Variants in WNK4 observed in about 807,000 individuals in gnomAD.
The protein encoded by WNK4 is WNK lysine deficient protein kinase 4, also known as serine/threonine-protein kinase WNK4.
In WNK4, 94 loss-of-function variants were observed where a neutral mutation model predicts 116.2. The observed-to-expected ratio is 0.81, with a 90% CI of 0.68 to 0.96. The LOEUF is 0.96. WNK4 is among the 40% of genes least tolerant of loss of function. The pLI is 0.00. For synonymous variants in WNK4, 655 were observed against 672.7 expected (o/e 0.97, Z 0.41); for missense variants, 1,542 against 1,650.6 (o/e 0.93, Z 1.14).
intron 2 of WNK4, chr17:42,783,559 C>T (rs989411341): frequency 1.2e-5 from 4 of 337,598 alleles, no homozygotes; most frequent in Non-Finnish European, 2.2e-5. Flanking sequence ...GTCCTGTCTG[C>T]CTGGGAAGTC....
At position 42,795,444 on chromosome 17, in the gene WNK4, G is replaced by A. The variant is rs1376877466; in HGVS notation, c.2962-17G>A. 12 of 1,614,138 alleles carry A rather than the reference G, an allele frequency of 7.4e-6. No individual in the cohort carries two copies. The highest frequency in any genetic ancestry group is 1.0e-5 in the Non-Finnish European group (12 of 1,180,018). On this transcript the variant is annotated splice_polypyrimidine_tract_variant and intron_variant, in intron 14 of 18. Transcript: ENST00000246914. ...CCACTCTGCACTCTTCCCTTCTCAT[G>A]GCCCCCCACTTTCTAGGCCTCACCA...
rs773729601 is a variant in WNK4, at chr17:42,784,504, G to T, written c.1095G>T (p.Met365Ile). ...ACGTGTACGCGTTCGGCATGTGCAT[G>T]CTGGAGATGGCCACCTCTGAGTACC... ...AVDVYAFGMC[M>I]LEMATSEYPY... The change falls in exon 4 of 19, where the codon ATG (methionine) becomes ATT (isoleucine). Residue 365 changes from methionine (M) to isoleucine (I), a missense_variant. Physicochemically the swap from Met to Ile is conservative, Grantham distance 10. Around this residue, in one of 7 missense-constraint regions of WNK4, gnomAD observed 808 missense variants for 873.6 expected, o/e 0.92. Coordinates refer to ENST00000246914, the MANE Select transcript of WNK4 (RefSeq NM_032387.5). This position sits in a 1 kb window ranked among gnomAD's most constrained non-coding sequence, Gnocchi z 4.4. The T allele has an allele frequency of 9.9e-6, 16 of 1,613,950 alleles. No individual in the cohort carries two copies. Among genetic ancestry groups the T allele is most frequent in the Non-Finnish European group, 2.5e-6 (3 of 1,180,020 alleles).
intron 12 of WNK4, chr17:42,794,022 T>C (rs1236883538): frequency 5.4e-6 from 2 of 367,700 alleles, no homozygotes; most frequent in South Asian, 4.5e-5. Context: ...CCGGCTAATT[T>C]TTTTTGTATT....
In WNK4 at chr17:42,780,966, G is replaced by C. The variant is rs199712166; in HGVS notation, c.268G>C (p.Ala90Pro). 2 of 1,610,172 alleles carry C rather than the reference G, an allele frequency of 1.2e-6. No individual in the cohort carries two copies. The highest frequency in any genetic ancestry group is 4.5e-5 in the East Asian group (2 of 44,886). ...GGACCCCCCCGATCCTCCGGACTCC[G>C]CTGGTCCTGGCCCCGCGAGGAGCCC... The part of the protein sequence containing the change: ...APDPPDPPDS[A>P]GPGPARSPPP... Residue 90 changes from alanine (A) to proline (P), a missense_variant, in exon 1 of 19, where the codon GCT becomes CCT. Ala to Pro is a conservative substitution (Grantham distance 27). Transcript: ENST00000246914.
In WNK4 at chr17:42,787,863, A is replaced by G. The variant is rs201340788; in HGVS notation, c.1827A>G (p.Pro609=). The G allele has an allele frequency of 8.8e-5, 142 of 1,611,526 alleles. 3 individuals carry two copies. The highest frequency in any genetic ancestry group is 6.7e-4 in the East Asian group (30 of 44,840). Residue 609 remains proline, a synonymous_variant, in exon 8 of 19, where the codon CCA becomes CCG. Transcript: ENST00000246914. The stretch of plus-strand genomic sequence containing the variant: ...CCCTTCAGCCCCCTGGGGGGGTGCC[A>G]TCCAGCCTGGCTGAGTCCCATCTCT... The part of the protein sequence containing the change: ...DPALQPPGGV[P]SSLAESHLCL...
Position 42,781,133 on chromosome 17 carries a change from T to G in WNK4, c.435T>G (p.Ala145=), listed in dbSNP as rs2054478622. The change falls in exon 1 of 19, where the codon GCT becomes GCG. Residue 145 remains alanine (A), a synonymous_variant. Coordinates refer to ENST00000246914, the MANE Select transcript of WNK4 (RefSeq NM_032387.5). The stretch of plus-strand genomic sequence containing the variant: ...GGGAGCCGCTAAGGGTCCCTGAAGC[T>G]GTGGCCCTAGAGCGGCGGCGGGAGC... ...GSREPLRVPE[A]VALERRREQE... 1.2e-6 allele frequency: 2 copies of G among 1,613,960 alleles called. No homozygotes were observed. The highest frequency in any genetic ancestry group is 2.7e-5 in the African/African-American group (2 of 74,926).
chr17:42,787,905 AG>A lies in WNK4; in HGVS notation c.1863+11del. ...CCCATCTCTGCCTGCCCTCGGTGAG[AG>A]GGGGTCGCATGGGGGGCTCCCAGCC... On this transcript the variant is annotated splice_region_variant and intron_variant, in intron 8 of 18. Transcript: ENST00000246914. The A allele has an allele frequency of 6.2e-7, 1 of 1,608,486 alleles. No homozygotes were observed. The highest frequency in any genetic ancestry group is 8.5e-7 in the Non-Finnish European group (1 of 1,179,948).
chr17:42,792,709 A>G (rs2144065640), intron 11 of WNK4, among the ~76,000 whole-genome samples: 1 of 152,328 alleles, frequency 6.6e-6, no homozygotes, highest in South Asian at 2.1e-4. Context: ...GCTTCCTTGT[A>G]TTCCCACAGT....
rs753483211 is a variant in WNK4 at position 42,787,777 on chromosome 17, G to C, written c.1742-1G>C. On this transcript the variant is annotated splice_acceptor_variant, in intron 7 of 18. Coordinates refer to ENST00000246914, the MANE Select transcript of WNK4 (RefSeq NM_032387.5). LOFTEE classifies it high-confidence loss of function. ...TTTTGATCCTCTCCCTCCCCAACCA[G>C]CGGATTGCGAGACTGATGGCTACCT... 1 of 1,611,798 alleles carries C rather than the reference G, an allele frequency of 6.2e-7. No individual in the cohort carries two copies. Among genetic ancestry groups the C allele is most frequent in the East Asian group, 2.2e-5 (1 of 44,862 alleles).
In WNK4 at chr17:42,780,661, C is replaced by T. The variant is rs752056395; in HGVS notation, c.-38C>T. ...TCTGTCAGGCCGCCTCCTCTCCGGC[C>T]GTCTGATTTTCTACCCTTCGGCGCC... On this transcript the variant is annotated 5_prime_UTR_variant, in exon 1 of 19. Transcript: ENST00000246914. The T allele has an allele frequency of 2.5e-6, 4 of 1,600,238 alleles. No homozygotes were observed. The South Asian group carries it at 3.3e-5, about 13-fold the overall frequency.
At position 42,794,942 on chromosome 17, in the gene WNK4, T is replaced by A; in HGVS notation, c.2521T>A (p.Ser841Thr). Residue 841 changes from serine (S) to threonine (T), a missense_variant, in exon 14 of 19, where the codon TCC becomes ACC. Around this residue, in one of 7 missense-constraint regions of WNK4, gnomAD observed 808 missense variants for 873.6 expected, o/e 0.92. Coordinates refer to ENST00000246914, the MANE Select transcript of WNK4 (RefSeq NM_032387.5). ...TTCTCCCCCATGTCATCCCAGCCCCTCCCCATTCTCCCCCATTTCTTCCCA... is the reference window on the plus strand; with the variant it reads ...TTCTCCCCCATGTCATCCCAGCCCCACCCCATTCTCCCCCATTTCTTCCCA... ...ITSPPCHPSP[S>T]PFSPISSQVS... The A allele has an allele frequency of 5.6e-6, 6 of 1,073,320 alleles. No homozygotes were observed. Among genetic ancestry groups the A allele is most frequent in the African/African-American group, 3.1e-5 (1 of 32,002 alleles). 66.5% of individuals were successfully genotyped at this position (1,073,320 alleles called of 1,614,324 possible).
Position 42,788,753 on chromosome 17 carries a change from T to C in WNK4, c.2113T>C (p.Phe705Leu), listed in dbSNP as rs1347052859. Residue 705 changes from phenylalanine (F) to leucine (L), a missense_variant, in exon 11 of 19, where the codon TTT becomes CTT. Around this residue, in one of 7 missense-constraint regions of WNK4, gnomAD observed 808 missense variants for 873.6 expected, o/e 0.92. Transcript: ENST00000246914. Reference protein sequence around the residue: ...THNSKMVTFRFDLDGDSPEEI... With the variant: ...THNSKMVTFRLDLDGDSPEEI... ...TAACAGCAAGATGGTGACCTTCCGA[T>C]TTGATCTGGATGGGGACAGCCCGGA... is the stretch of plus-strand genomic sequence containing the variant. 1 of 1,614,108 alleles carries C rather than the reference T, an allele frequency of 6.2e-7. No individual in the cohort carries two copies. The highest frequency in any genetic ancestry group is 8.5e-7 in the Non-Finnish European group (1 of 1,180,012).
At chr17:42,793,529 G>A in intron 11 of WNK4, 63 bp from the exon 12 acceptor site, 3 of 1,605,508 alleles carry the variant, frequency 1.9e-6, no homozygotes, top group Non-Finnish European at 2.6e-6. Context: ...AAGATCAGAA[G>A]CAGGGGGAGA....
At chr17:42,786,830 G>A (rs2054554322) in intron 6 of WNK4, among the ~76,000 whole-genome samples, 1 of 152,206 alleles carries the variant, frequency 6.6e-6, no homozygotes. Flanking sequence ...ATCAAATCTT[G>A]ATCCATTGCT....
At chr17:42,790,550 G>C (rs901607619) in intron 11 of WNK4, among the ~76,000 whole-genome samples, 1 of 152,098 alleles carries the variant, frequency 6.6e-6, no homozygotes, top group Non-Finnish European at 1.5e-5. Flanking sequence ...GAGATGAGCC[G>C]GCAAAGCCAG....
At chr17:42,787,239 G>T in intron 6 of WNK4, 39 bp from the exon 7 acceptor site, 1 of 1,611,602 alleles carries the variant, frequency 6.2e-7, no homozygotes, top group South Asian at 1.1e-5. Context: ...TTGATAGGGG[G>T]TCCCAAGCTG....
chr17:42,780,690 C>A lies in WNK4; in HGVS notation c.-9C>A. On this transcript the variant is annotated 5_prime_UTR_variant, in exon 1 of 19. Coordinates refer to ENST00000246914, the MANE Select transcript of WNK4 (RefSeq NM_032387.5). ...TGATTTTCTACCCTTCGGCGCCCTG[C>A]TCTTCCTCATGTTGGCATCCCCGGC... The A allele has an allele frequency of 1.2e-6, 2 of 1,606,624 alleles. No individual in the cohort carries two copies. Among genetic ancestry groups the A allele is most frequent in the Non-Finnish European group, 1.7e-6 (2 of 1,179,460 alleles).
intron 10 of WNK4, 69 bp downstream of exon 10, chr17:42,788,476 G>A: frequency 6.6e-7 from 1 of 1,518,268 alleles, no homozygotes; most frequent in Non-Finnish European, 9.1e-7. Flanking sequence ...GGGGAGGCGG[G>A]GGAGGTCACC....
At chr17:42,794,278 G>A in intron 12 of WNK4, 1 of 401,372 alleles carries the variant, frequency 2.5e-6, no homozygotes. Context: ...GACTTGTGGA[G>A]AGAAGTTGCA....
Sources: allele counts gnomAD v4.1 joint callset (sites outside exome capture counted in the v4.1 genomes callset), GRCh38; gene constraint gnomAD v4.1.1; regional missense constraint gnomAD v4.1.1; non-coding constraint Gnocchi (gnomAD v3.1); transcripts MANE v1.5; gene names NCBI Gene and HGNC (gene_info 2026-07-23, HGNC 2026-07-21).